The following DOP1B variants were observed in gnomAD, a reference collection of about 807,000 sequenced individuals.
DOP1B encodes the protein DOP1 leucine zipper like protein B, also known as protein DOP1B.
DOP1B carries 174 observed loss-of-function variants against 233.5 expected under a neutral mutation model. The ratio of observed to expected loss-of-function variants is 0.75; its 90% CI spans 0.66 to 0.85. The LOEUF (loss-of-function observed/expected upper bound fraction) is 0.85. Ranked by LOEUF, DOP1B falls within the 40% of genes least tolerant of loss-of-function variation. DOP1B has a pLI of 0.00. For missense variants in DOP1B, 2,652 were observed against 2,846.6 expected, an observed-to-expected ratio of 0.93 and a Z score of 1.56; for synonymous variants, 1,190 against 1,185.6, an observed-to-expected ratio of 1.00 and a Z score of -0.08.
intron 2 of DOP1B, among the ~76,000 whole-genome samples, chr21:36,187,046 T>G (rs1324317294): frequency 6.6e-6 from 1 of 151,860 alleles, no homozygotes; most frequent in Non-Finnish European, 1.5e-5. Context: ...AAAATGAGCT[T>G]CTGAACCTGC....
At chr21:36,207,270 C>A (rs1170621093) in intron 4 of DOP1B, among the ~76,000 whole-genome samples, 2 of 151,734 alleles carry the variant, frequency 1.3e-5, no homozygotes, top group African/African-American at 2.4e-5. Flanking sequence ...CTGCAAACTC[C>A]GCCTCCCGGC....
At chr21:36,260,403 G>A (rs1479100497) in intron 23 of DOP1B, among the ~76,000 whole-genome samples, 3 of 152,154 alleles carry the variant, frequency 2.0e-5, no homozygotes, top group Admixed American at 6.6e-5. Flanking sequence ...CAATTTTCCC[G>A]AAATGCCTGT....
intron 10 of DOP1B, 152 bp from the exon 11 acceptor site, chr21:36,223,079 A>G (rs2066644639): frequency 4.2e-6 from 3 of 708,544 alleles, no homozygotes; most frequent in Non-Finnish European, 6.7e-6. Flanking sequence ...CAAACACATT[A>G]TAAGAACAGT....
rs1363878951 is a variant in DOP1B at position 36,292,137 on chromosome 21, A to C, written c.6549A>C (p.Thr2183=). 3.7e-6 allele frequency: 6 copies of C among 1,611,460 alleles called. No homozygotes were observed. The Admixed American group carries it at 1.0e-4, about 27-fold the overall frequency. The change falls in exon 36 of 37, where the codon ACA becomes ACC. Residue 2183 remains threonine, a synonymous_variant. Transcript: ENST00000691173. The stretch of plus-strand genomic sequence containing the variant: ...GGGCATTTATTCCAGAAGTGGACAC[A>C]GAGGGCCCTGCCTTCCTGTCGGATG... ...YRWAFIPEVD[T]EGPAFLSDVE...
At chr21:36,272,649 CAA>C (rs1048479594) in intron 27 of DOP1B, among the ~76,000 whole-genome samples, 9 of 58,668 alleles carry the variant, frequency 1.5e-4, no homozygotes, top group Admixed American at 6.2e-4. Flanking sequence ...AACTCCATCT[CAA>C]AAAAAAAAAA....
rs11284211 is a variant in DOP1B at position 36,173,424 on chromosome 21, C to CTT, written c.138+8567_138+8568dup. Among the ~76,000 whole-genome samples the CTT allele has an allele frequency of 1.6e-3, 229 of 139,758 alleles. 2 individuals are homozygous for CTT. The highest frequency in any genetic ancestry group is 4.0e-3 in the African/African-American group (149 of 37,600). The allele number at this position is 139,758 out of a possible 152,430, so 91.7% of individuals were successfully genotyped here. ...TTTTCTGTGTTAGAGAATAGTTTATCTTTTTTTTTTTTTTTGAGATGGAGT... is the reference window on the plus strand; with the variant it reads ...TTTTCTGTGTTAGAGAATAGTTTATCTTTTTTTTTTTTTTTTTGAGATGGAGT... On this transcript the variant is annotated intron_variant, in intron 2 of 36. Coordinates refer to ENST00000691173, the MANE Select transcript of DOP1B (RefSeq NM_001320714.2).
intron 20 of DOP1B, among the ~76,000 whole-genome samples, chr21:36,247,852 C>T (rs2066986924): frequency 6.6e-6 from 1 of 152,354 alleles, no homozygotes; most frequent in Non-Finnish European, 1.5e-5. Flanking sequence ...TATGCAAATG[C>T]ATGTATATAA....
intron 31 of DOP1B, 94 bp downstream of exon 31, chr21:36,280,440 C>A: frequency 5.9e-6 from 5 of 843,826 alleles, no homozygotes; most frequent in Non-Finnish European, 9.5e-6. Flanking sequence ...CCTACTCACA[C>A]TTTCATGGTG....
intron 28 of DOP1B, among the ~76,000 whole-genome samples, 191 bp downstream of exon 28, chr21:36,277,291 CT>C (rs986426848): frequency 4.7e-5 from 7 of 149,522 alleles, no homozygotes; most frequent in African/African-American, 9.8e-5. Flanking sequence ...AAGGACTGCA[CT>C]TTTTTTTTTG....
intron 27 of DOP1B, among the ~76,000 whole-genome samples, chr21:36,274,711 A>G (rs1251888271): frequency 6.6e-6 from 1 of 152,046 alleles, no homozygotes; most frequent in Non-Finnish European, 1.5e-5. Context: ...GTGAGGGGAC[A>G]CTTGAGAAAC....
At chr21:36,173,180 T>G (rs979707224) in intron 2 of DOP1B, among the ~76,000 whole-genome samples, 1 of 152,088 alleles carries the variant, frequency 6.6e-6, no homozygotes, top group African/African-American at 2.4e-5. Context: ...AACAATGATA[T>G]AGGACACAAA....
intron 2 of DOP1B, among the ~76,000 whole-genome samples, chr21:36,168,020 T>C (rs2065933176): frequency 7.3e-6 from 1 of 136,208 alleles, no homozygotes; most frequent in African/African-American, 2.8e-5. Flanking sequence ...CTCGGCTAAC[T>C]GCAACCTCCA....
At chr21:36,186,235 G>A (rs1220844850) in intron 2 of DOP1B, among the ~76,000 whole-genome samples, 2 of 152,050 alleles carry the variant, frequency 1.3e-5, no homozygotes, top group Non-Finnish European at 2.9e-5. Flanking sequence ...TTCTGATCTA[G>A]CATGTGGATT....
rs398040600 is a variant in DOP1B, at chr21:36,270,552, CAAAAAAAAAAAA to C, written c.5632+410_5632+421del. Among the ~76,000 whole-genome samples, 110 of 36,828 alleles carry C rather than the reference CAAAAAAAAAAAA, an allele frequency of 3.0e-3. 3 individuals are homozygous for C. Among genetic ancestry groups the C allele is most frequent in the African/African-American group, 9.3e-3 (92 of 9,940 alleles). 24.2% of individuals were successfully genotyped at this position (36,828 alleles called of 152,430 possible). On this transcript the variant is annotated intron_variant, in intron 27 of 36. Coordinates refer to ENST00000691173, the MANE Select transcript of DOP1B (RefSeq NM_001320714.2). The stretch of plus-strand genomic sequence containing the variant: ...CAGGCGACAAAGCAAGACTCCGTCT[CAAAAAAAAAAAA>C]AAAAAAAAAAAAAAGTATTTAGAGC...
chr21:36,282,265 A>G (rs894445229), intron 32 of DOP1B, among the ~76,000 whole-genome samples: 1 of 152,060 alleles, frequency 6.6e-6, no homozygotes, highest in African/African-American at 2.4e-5. Flanking sequence ...TACTAAAAAT[A>G]CAAAATTAGC....
chr21:36,229,739 G>A (rs1035979203), intron 13 of DOP1B, among the ~76,000 whole-genome samples: 2 of 144,976 alleles, frequency 1.4e-5, no homozygotes, highest in African/African-American at 5.2e-5. Flanking sequence ...TTGGCTCACT[G>A]CAACCTCCAC....
At chr21:36,243,557 A>G (rs958827620) in intron 18 of DOP1B, among the ~76,000 whole-genome samples, 1 of 152,162 alleles carries the variant, frequency 6.6e-6, no homozygotes, top group Non-Finnish European at 1.5e-5. Context: ...TGATAGAACT[A>G]GGGATTGTTA....
intron 11 of DOP1B, among the ~76,000 whole-genome samples, chr21:36,225,069 A>G (rs567197696): frequency 4.6e-4 from 70 of 152,230 alleles, no homozygotes; most frequent in African/African-American, 1.6e-3. Context: ...TTGGACACCA[A>G]CAGATTCAGG....
intron 15 of DOP1B, among the ~76,000 whole-genome samples, chr21:36,235,558 T>TAA (rs879859321): frequency 2.1e-5 from 3 of 142,920 alleles, no homozygotes; most frequent in African/African-American, 7.7e-5. Context: ...ATCCCATGTC[T>TAA]AAAAAAAAAA....
Sources: allele counts gnomAD v4.1 joint callset (sites outside exome capture counted in the v4.1 genomes callset), GRCh38; gene constraint gnomAD v4.1.1; transcripts MANE v1.5; gene names NCBI Gene and HGNC (gene_info 2026-07-23, HGNC 2026-07-21).